PPP1R12B: variants seen among roughly 807,000 people sequenced by gnomAD.
PPP1R12B encodes protein phosphatase 1 regulatory subunit 12B, also known as myosin phosphatase target subunit 2.
A neutral mutation model predicts 126.1 loss-of-function variants in PPP1R12B; 76 were observed. That is an observed-to-expected ratio of 0.60 (90% CI 0.50 to 0.73). The LOEUF (loss-of-function observed/expected upper bound fraction) is 0.73. Ranked by LOEUF, PPP1R12B falls within the 30% of genes least tolerant of loss-of-function variation. The probability of loss-of-function intolerance (pLI) is 0.00; values close to 1 mark genes in which losing one functional copy is unlikely to be tolerated. For synonymous variants in PPP1R12B, 356 were observed against 434.7 expected, an observed-to-expected ratio of 0.82 and a Z score of 2.25; for missense variants, 1,052 against 1,205.1, an observed-to-expected ratio of 0.87 and a Z score of 1.88.
intron 18 of PPP1R12B, among the ~76,000 whole-genome samples, chr1:202,525,267 A>G (rs1389471745): frequency 6.6e-6 from 1 of 152,242 alleles, no homozygotes; most frequent in African/African-American, 2.4e-5. Flanking sequence ...ATCTGCCAAA[A>G]TGCTGTGGAG....
intron 1 of PPP1R12B, among the ~76,000 whole-genome samples, chr1:202,390,707 C>G (rs1664020623): frequency 6.7e-6 from 1 of 149,462 alleles, no homozygotes; most frequent in African/African-American, 2.5e-5. Flanking sequence ...GGAGCCCAGG[C>G]TGGTCTCAAC....
chr1:202,447,657 A>G (rs1006908313), intron 12 of PPP1R12B, among the ~76,000 whole-genome samples: 4 of 152,236 alleles, frequency 2.6e-5, no homozygotes, highest in Admixed American at 6.5e-5. Context: ...AATAATAGTA[A>G]AAGTCCTATT....
chr1:202,512,652 C>T (rs1463815194), intron 18 of PPP1R12B, among the ~76,000 whole-genome samples: 1 of 152,092 alleles, frequency 6.6e-6, no homozygotes, highest in Non-Finnish European at 1.5e-5. Context: ...AGCACAGTGC[C>T]TACATTTGGT....
intron 13 of PPP1R12B, among the ~76,000 whole-genome samples, chr1:202,480,443 T>C (rs184890055): frequency 2.9e-4 from 44 of 152,316 alleles, no homozygotes; most frequent in Non-Finnish European, 2.2e-4. Flanking sequence ...TAGCTTCATT[T>C]TTCACAGAAC....
At chr1:202,448,820 A>G (rs1245394773) in intron 12 of PPP1R12B, among the ~76,000 whole-genome samples, 169 bp from the exon 13 acceptor site, 1 of 152,204 alleles carries the variant, frequency 6.6e-6, no homozygotes, top group Non-Finnish European at 1.5e-5. Context: ...CTAAACATGT[A>G]ATTATACTAT....
intron 18 of PPP1R12B, among the ~76,000 whole-genome samples, chr1:202,517,685 G>A (rs1682318354): frequency 6.6e-6 from 1 of 151,804 alleles, no homozygotes; most frequent in Non-Finnish European, 1.5e-5. Flanking sequence ...GAGTGTCATG[G>A]CGTGATCTCG....
At chr1:202,532,272 G>C (rs1242841067) in intron 18 of PPP1R12B, among the ~76,000 whole-genome samples, 1 of 152,176 alleles carries the variant, frequency 6.6e-6, no homozygotes, top group Non-Finnish European at 1.5e-5. Context: ...TTGCCATCTT[G>C]GTTTTGGTGG....
intron 18 of PPP1R12B, chr1:202,501,742 G>A (rs1236145049): frequency 2.0e-6 from 1 of 495,698 alleles, no homozygotes. Flanking sequence ...TCTGCTAGGT[G>A]AGCAACCTGT....
intron 1 of PPP1R12B, among the ~76,000 whole-genome samples, chr1:202,402,201 A>T (rs182504358): frequency 2.0e-5 from 3 of 152,228 alleles, no homozygotes; most frequent in African/African-American, 7.2e-5. Flanking sequence ...CTTTTGGAAC[A>T]TGAGGTTTCT....
intron 13 of PPP1R12B, among the ~76,000 whole-genome samples, chr1:202,452,155 G>A (rs1239013265): frequency 6.6e-6 from 1 of 152,096 alleles, no homozygotes; most frequent in East Asian, 1.9e-4. Context: ...GGTGGCGGCC[G>A]GGCAGAGGCT....
At chr1:202,442,974 T>TG (rs1346872663) in intron 12 of PPP1R12B, 1 of 381,134 alleles carries the variant, frequency 2.6e-6, no homozygotes, top group Non-Finnish European at 3.4e-6. Context: ...TATAAAGTGG[T>TG]GGGGGGTGGG....
chr1:202,404,431 C>T (rs1205336432), intron 1 of PPP1R12B, among the ~76,000 whole-genome samples: 3 of 152,110 alleles, frequency 2.0e-5, no homozygotes, highest in Admixed American at 6.5e-5. Context: ...TTCTCTTCAT[C>T]GCTGCTGTTT....
chr1:202,575,915 A>G (rs767687740), intron 23 of PPP1R12B: 3 of 152,250 alleles, frequency 2.0e-5, no homozygotes, highest in Non-Finnish European at 4.4e-5. Flanking sequence ...GTCCAGCTCC[A>G]CTACCAGCAA....
rs757492524 is a variant in PPP1R12B at position 202,575,179 on chromosome 1, C to G, written c.2863-5295C>G. The G allele has an allele frequency of 1.8e-5, 28 of 1,587,742 alleles. 1 individual carries two copies. The South Asian group carries it at 2.8e-4, about 16-fold the overall frequency. ...CAACTCACTTCCCTCCTCCACTACT[C>G]CAGGCAGGTTCAGTCTTCTTGTTAG... On this transcript the variant is annotated intron_variant, in intron 23 of 23. Coordinates refer to ENST00000608999, the MANE Select transcript of PPP1R12B (RefSeq NM_002481.4).
At chr1:202,491,175 G>T (rs551372737) in intron 14 of PPP1R12B, among the ~76,000 whole-genome samples, 1 of 152,136 alleles carries the variant, frequency 6.6e-6, no homozygotes, top group Admixed American at 6.5e-5. Flanking sequence ...CGCAGGCCGG[G>T]GTGCAATGGT....
At chr1:202,572,713 C>T (rs1173515834) in intron 23 of PPP1R12B, among the ~76,000 whole-genome samples, 1 of 152,232 alleles carries the variant, frequency 6.6e-6, no homozygotes, top group Non-Finnish European at 1.5e-5. Flanking sequence ...TTCTCCCCTT[C>T]CTTTCCTAGG....
At chr1:202,445,262 A>G (rs1672091374) in intron 12 of PPP1R12B, 5 of 1,225,684 alleles carry the variant, frequency 4.1e-6, no homozygotes, top group Non-Finnish European at 5.1e-6. Flanking sequence ...AGTTGCATTC[A>G]TCAAAGTTAA....
intron 13 of PPP1R12B, among the ~76,000 whole-genome samples, chr1:202,450,617 T>C (rs1672811383): frequency 1.3e-5 from 2 of 152,218 alleles, no homozygotes; most frequent in Non-Finnish European, 2.9e-5. Flanking sequence ...TATTAAGAGA[T>C]TGTCTTTTCT....
chr1:202,395,423 C>G (rs186427916), intron 1 of PPP1R12B, among the ~76,000 whole-genome samples: 4 of 152,296 alleles, frequency 2.6e-5, no homozygotes, highest in East Asian at 3.9e-4. Flanking sequence ...CCTCATTCAT[C>G]AAAGACTTAG....
Sources: allele counts gnomAD v4.1 joint callset (sites outside exome capture counted in the v4.1 genomes callset), GRCh38; gene constraint gnomAD v4.1.1; transcripts MANE v1.5; gene names NCBI Gene and HGNC (gene_info 2026-07-23, HGNC 2026-07-21).